The following ITCH variants were observed in gnomAD, a reference collection of about 807,000 sequenced individuals.
ITCH encodes itchy E3 ubiquitin protein ligase, also known as E3 ubiquitin-protein ligase Itchy homolog.
ITCH carries 28 observed loss-of-function variants against 126.8 expected under a neutral mutation model. The observed-to-expected ratio is 0.22, with a 90% CI of 0.16 to 0.30. ITCH has a LOEUF of 0.30. Among genes scored for constraint, ITCH ranks in the 10% least tolerant of loss-of-function variants. The pLI is 1.00. For synonymous variants in ITCH, 342 were observed against 340.0 expected, an observed-to-expected ratio of 1.01 and a Z score of -0.06; for missense variants, 631 against 1,032.4, an observed-to-expected ratio of 0.61 and a Z score of 5.33.
chr20:34,432,089 C>G (rs182833706), intron 7 of ITCH, among the ~76,000 whole-genome samples: 38 of 146,176 alleles, frequency 2.6e-4, no homozygotes, highest in African/African-American at 9.2e-4. Flanking sequence ...TTAACACTAT[C>G]AAACGCTGCA....
In ITCH at chr20:34,488,838, A is replaced by T. The variant is rs530725534; in HGVS notation, c.2094-428A>T. Among the ~76,000 whole-genome samples, 5 of 152,320 alleles carry T rather than the reference A, an allele frequency of 3.3e-5. No homozygotes were observed. In the South Asian group the frequency reaches 1.0e-3, roughly 32 times the overall value. ...AGATCACTTGAGGCCAGATATTTAAAACCAGCCTTGGCATCACAGAGAGAC... is the reference window on the plus strand; with the variant it reads ...AGATCACTTGAGGCCAGATATTTAATACCAGCCTTGGCATCACAGAGAGAC... On this transcript the variant is annotated intron_variant, in intron 20 of 24. Coordinates refer to ENST00000374864, the MANE Select transcript of ITCH (RefSeq NM_031483.7).
intron 14 of ITCH, among the ~76,000 whole-genome samples, chr20:34,469,005 A>G (rs531742348): frequency 1.3e-5 from 2 of 152,324 alleles, no homozygotes; most frequent in South Asian, 2.1e-4. Flanking sequence ...ACTGATATAC[A>G]TTGAATTTTT....
At chr20:34,454,495 C>G (rs1021764246) in intron 12 of ITCH, 2 of 151,982 alleles carry the variant, frequency 1.3e-5, no homozygotes, top group African/African-American at 4.8e-5. Context: ...CTGAAGATGC[C>G]TTGACCAGCA....
intron 8 of ITCH, 70 bp downstream of exon 8, chr20:34,438,701 C>A: frequency 6.5e-7 from 1 of 1,542,468 alleles, no homozygotes; most frequent in South Asian, 1.1e-5. Context: ...AGGTAAGTGT[C>A]AGGAAATTCT....
intron 12 of ITCH, among the ~76,000 whole-genome samples, chr20:34,451,492 G>A (rs1048328596): frequency 6.6e-6 from 1 of 152,102 alleles, no homozygotes; most frequent in African/African-American, 2.4e-5. Flanking sequence ...GTGAATTTCT[G>A]TCTTTACCAA....
intron 16 of ITCH, chr20:34,476,382 G>A (rs1330346096): frequency 5.5e-6 from 7 of 1,273,664 alleles, no homozygotes; most frequent in Admixed American, 4.1e-5. Context: ...TGGCTCCAGC[G>A]CGGGACCCGG....
chr20:34,426,532 A>G (rs1311643576), intron 7 of ITCH, among the ~76,000 whole-genome samples: 1 of 151,520 alleles, frequency 6.6e-6, no homozygotes, highest in Non-Finnish European at 1.5e-5. Context: ...TGCAACCTCC[A>G]TCTCCCGGGT....
intron 18 of ITCH, among the ~76,000 whole-genome samples, 181 bp from the exon 19 acceptor site, chr20:34,480,417 GT>G (rs1988631857): frequency 6.6e-6 from 1 of 151,882 alleles, no homozygotes. Flanking sequence ...GGTCAGTCTG[GT>G]CTCGAACTCC....
At chr20:34,467,053 A>G (rs74900472) in intron 14 of ITCH, among the ~76,000 whole-genome samples, 3 of 152,344 alleles carry the variant, frequency 2.0e-5, no homozygotes, top group East Asian at 3.9e-4. Context: ...AGAGAAAAAA[A>G]GAGGGACATC....
intron 1 of ITCH, among the ~76,000 whole-genome samples, 181 bp downstream of exon 1, chr20:34,363,530 CGGGCCGGGCGGTGGGGGT>C (rs2037280219): frequency 2.0e-5 from 3 of 152,138 alleles, no homozygotes; most frequent in African/African-American, 7.2e-5. Context: ...GCTACTGGCC[CGGGCCGGGCGGTGGGGGT>C]GGGCTGTCTG....
intron 3 of ITCH, among the ~76,000 whole-genome samples, chr20:34,400,794 G>T (rs2038856023): frequency 6.6e-6 from 1 of 151,778 alleles, no homozygotes; most frequent in African/African-American, 2.4e-5. Context: ...GTCTCGCTCT[G>T]TCACCCAGGC....
intron 4 of ITCH, among the ~76,000 whole-genome samples, chr20:34,410,065 A>AG (rs1408074212): frequency 6.6e-6 from 1 of 151,576 alleles, no homozygotes; most frequent in East Asian, 1.9e-4. Context: ...CAAAAAAAAA[A>AG]AAGAAGAAAA....
chr20:34,372,383 A>ATTTTTTTTTTTT (rs1568853490), intron 2 of ITCH, among the ~76,000 whole-genome samples: 2 of 70,234 alleles, frequency 2.8e-5, no homozygotes, highest in African/African-American at 1.4e-4. Flanking sequence ...TTTAAGTTCT[A>ATTTTTTTTTTTT]CTTTTTTTTT....
At chr20:34,498,782 C>G (rs1569007172) in intron 23 of ITCH, among the ~76,000 whole-genome samples, 1 of 150,568 alleles carries the variant, frequency 6.6e-6, no homozygotes, top group African/African-American at 2.4e-5. Flanking sequence ...TCTTTTCCTC[C>G]TTTTTTTTTG....
chr20:34,479,055 A>G (rs1228956162), intron 17 of ITCH, among the ~76,000 whole-genome samples: 2 of 152,190 alleles, frequency 1.3e-5, no homozygotes, highest in African/African-American at 4.8e-5. Context: ...TTTTCACAAT[A>G]TTTGACTTAG....
intron 3 of ITCH, among the ~76,000 whole-genome samples, chr20:34,407,192 T>C (rs1392739064): frequency 3.3e-5 from 5 of 150,460 alleles, no homozygotes; most frequent in African/African-American, 1.2e-4. Context: ...TATGAGATGT[T>C]AAAAAAAAAA....
At chr20:34,406,612 GC>G (rs1353009962) in intron 3 of ITCH, among the ~76,000 whole-genome samples, 1 of 150,158 alleles carries the variant, frequency 6.7e-6, no homozygotes, top group Non-Finnish European at 1.5e-5. Context: ...GCGGCTCACT[GC>G]AATCTCCGCC....
chr20:34,499,272 CTT>C (rs386393666), intron 23 of ITCH, among the ~76,000 whole-genome samples: 197 of 22,916 alleles, frequency 8.6e-3, no homozygotes, highest in African/African-American at 0.02. Context: ...CTGTGCCCAG[CTT>C]TTTTTTTTTT....
rs1355919188 is a variant in ITCH at position 34,509,912 on chromosome 20, CA to C, written c.*2119del. On this transcript the variant is annotated 3_prime_UTR_variant, in exon 25 of 25. Transcript: ENST00000374864. The stretch of plus-strand genomic sequence containing the variant: ...AATTAAGAGATAATGTAAGAAAATA[CA>C]TTTTTTTGGTTCTATATAATGCTTC... 1.7e-5 allele frequency: 2 copies of C among 118,026 alleles called. No individual in the cohort carries two copies. Among genetic ancestry groups the C allele is most frequent in the African/African-American group, 5.7e-5 (2 of 35,088 alleles). The allele number at this position is 118,026 out of a possible 1,614,324, so 7.3% of individuals were successfully genotyped here.
Sources: allele counts gnomAD v4.1 joint callset (sites outside exome capture counted in the v4.1 genomes callset), GRCh38; gene constraint gnomAD v4.1.1; transcripts MANE v1.5; gene names NCBI Gene and HGNC (gene_info 2026-07-23, HGNC 2026-07-21).